The following ADNP variants were observed in gnomAD, a reference collection of about 807,000 sequenced individuals.
The protein encoded by ADNP is activity-dependent neuroprotector homeobox protein.
Under a neutral mutation model 84.9 loss-of-function variants are expected in ADNP, and 4 were observed. That is an observed-to-expected ratio of 0.05 (90% confidence interval 0.02 to 0.11). ADNP has a LOEUF of 0.11. Ranked by LOEUF, ADNP falls within the 10% of genes least tolerant of loss-of-function variation. ADNP has a pLI of 1.00. For missense variants in ADNP, 1,132 were observed against 1,326.0 expected (o/e 0.85, Z 2.27); for synonymous variants, 554 against 468.1 (o/e 1.18, Z -2.37).
At chr20:50,922,943 G>A (rs1984053768) in intron 2 of ADNP, among the ~76,000 whole-genome samples, 1 of 152,034 alleles carries the variant, frequency 6.6e-6, no homozygotes, top group South Asian at 2.1e-4. Flanking sequence ...GGGGTATAGG[G>A]CCAACACCCT....
chr20:50,906,119 G>A (rs1448380829), intron 2 of ADNP, among the ~76,000 whole-genome samples: 1 of 152,198 alleles, frequency 6.6e-6, no homozygotes, highest in East Asian at 1.9e-4. Context: ...GGCTGAGGCA[G>A]GAGAATCGCT....
At chr20:50,896,555 G>A (rs745529064) in intron 5 of ADNP, among the ~76,000 whole-genome samples, 26 of 151,746 alleles carry the variant, frequency 1.7e-4, no homozygotes, top group Non-Finnish European at 3.5e-4. Flanking sequence ...GCAAGACCCC[G>A]TCTCAAAAAA....
intron 2 of ADNP, among the ~76,000 whole-genome samples, chr20:50,914,935 T>C (rs1983393402): frequency 1.3e-5 from 2 of 152,188 alleles, no homozygotes; most frequent in Admixed American, 1.3e-4. Flanking sequence ...TTGGGGGTTG[T>C]GCTAGAAAAT....
At chr20:50,904,582 G>C (rs1174040887) in intron 3 of ADNP, 184 bp downstream of exon 3, 3 of 152,216 alleles carry the variant, frequency 2.0e-5, no homozygotes, top group African/African-American at 7.2e-5. Flanking sequence ...GATTTTCCCA[G>C]TTTTTAACAG....
chr20:50,924,662 A>G (rs1420730573), intron 2 of ADNP, among the ~76,000 whole-genome samples: 1 of 152,236 alleles, frequency 6.6e-6, no homozygotes, highest in Non-Finnish European at 1.5e-5. Context: ...CATAAAGGCC[A>G]GCAAGGGGGC....
chr20:50,921,963 A>C (rs1341119611), intron 2 of ADNP, among the ~76,000 whole-genome samples: 1 of 152,210 alleles, frequency 6.6e-6, no homozygotes, highest in African/African-American at 2.4e-5. Flanking sequence ...GGGACACAGC[A>C]TAAAGAGTGA....
In ADNP at chr20:50,931,179, G is replaced by A. The variant is rs1375759881; in HGVS notation, c.-618C>T. On this transcript the variant is annotated 5_prime_UTR_variant, in exon 1 of 6. Coordinates refer to ENST00000621696, the MANE Select transcript of ADNP (RefSeq NM_001282531.3). ...AGCGGGGACCGAGAGAGGGAGCTGT[G>A]TCTGAGAAGACGCCAAAATCCCCCT... The A allele has an allele frequency of 6.7e-6, 1 of 148,442 alleles. No homozygotes were observed. Among genetic ancestry groups the A allele is most frequent in the African/African-American group, 2.5e-5 (1 of 40,524 alleles). 9.2% of individuals were successfully genotyped at this position (148,442 alleles called of 1,614,324 possible).
chr20:50,919,701 A>G (rs1983807045), intron 2 of ADNP, among the ~76,000 whole-genome samples: 1 of 152,176 alleles, frequency 6.6e-6, no homozygotes, highest in Non-Finnish European at 1.5e-5. Context: ...TGGGGCCATT[A>G]ACTTAGGTGA....
At position 50,893,555 on chromosome 20, in the gene ADNP, G is replaced by T; in HGVS notation, c.1159C>A (p.Gln387Lys). ...SYGLGSEQRS[Q>K]APARYSLQSA... is the part of the protein sequence containing the mutation. ...TGCAGGGAGTATCTTGCTGGTGCCT[G>T]GGACCTCTGCTCTGACCCAAGCCCA... Residue 387 changes from glutamine to lysine, a missense_variant, in exon 6 of 6, where the codon CAG becomes AAG. Gln to Lys is a moderately conservative substitution (Grantham distance 53). Coordinates refer to ENST00000621696, the MANE Select transcript of ADNP (RefSeq NM_001282531.3). This position sits in a 1 kb window ranked among gnomAD's most constrained non-coding sequence, Gnocchi z 4.4. 2 of 1,613,954 alleles carry T rather than the reference G, an allele frequency of 1.2e-6. No individual in the cohort carries two copies. The highest frequency in any genetic ancestry group is 1.7e-6 in the Non-Finnish European group (2 of 1,180,012).
intron 3 of ADNP, chr20:50,904,270 C>A: frequency 2.7e-6 from 1 of 372,766 alleles, no homozygotes; most frequent in Non-Finnish European, 4.9e-6. Context: ...GGTTCATTGA[C>A]TGCAGTGCAC....
At chr20:50,899,954 G>A (rs12481198) in intron 5 of ADNP, among the ~76,000 whole-genome samples, 33,281 of 149,098 alleles carry the variant, frequency 0.22, 3,957 homozygotes, top group Non-Finnish European at 0.26. Flanking sequence ...AAGGGGACCC[G>A]GGCAGGTTGC....
At position 50,889,988 on chromosome 20, in the gene ADNP, A is replaced by G. The variant is rs919607016; in HGVS notation, c.*1417T>C. 2.5e-6 allele frequency: 1 copy of G among 397,562 alleles called. No individual in the cohort carries two copies. Among genetic ancestry groups the G allele is most frequent in the Non-Finnish European group, 4.4e-6 (1 of 225,738 alleles). The allele number at this position is 397,562 out of a possible 1,614,324, so 24.6% of individuals were successfully genotyped here. A position where few individuals can be genotyped will look rare whatever the true frequency, so the allele number is the denominator to read the frequency against. On this transcript the variant is annotated 3_prime_UTR_variant, in exon 6 of 6. Coordinates refer to ENST00000621696, the MANE Select transcript of ADNP (RefSeq NM_001282531.3). ...AGAAAAAACAAACAAAAAACCCATC[A>G]GGCTATTAAGATTCTGCTTGCAAAT...
intron 2 of ADNP, among the ~76,000 whole-genome samples, chr20:50,916,153 C>T (rs928199107): frequency 3.9e-5 from 6 of 151,946 alleles, no homozygotes; most frequent in African/African-American, 7.3e-5. Flanking sequence ...TTATGCAAGG[C>T]GAAAGATGGT....
chr20:50,927,969 C>A (rs571402033), intron 2 of ADNP, among the ~76,000 whole-genome samples: 1 of 152,302 alleles, frequency 6.6e-6, no homozygotes, highest in South Asian at 2.1e-4. Context: ...AAAAACTATA[C>A]CTGCCTACAA....
chr20:50,897,928 G>A (rs1433054886), intron 5 of ADNP, among the ~76,000 whole-genome samples: 5 of 152,204 alleles, frequency 3.3e-5, no homozygotes, highest in African/African-American at 4.8e-5. Context: ...CTCCTGCAGT[G>A]CACTGGCCAA....
chr20:50,898,728 A>T (rs1361514561), intron 5 of ADNP, among the ~76,000 whole-genome samples: 1 of 152,252 alleles, frequency 6.6e-6, no homozygotes, highest in Non-Finnish European at 1.5e-5. Flanking sequence ...AAATACCATG[A>T]GATTAAACCA....
At position 50,893,760 on chromosome 20, in the gene ADNP, T is replaced by C. The variant is rs975712635; in HGVS notation, c.954A>G (p.Gly318=). 2 of 1,614,164 alleles carry C rather than the reference T, an allele frequency of 1.2e-6. No individual in the cohort carries two copies. The highest frequency in any genetic ancestry group is 1.7e-6 in the Non-Finnish European group (2 of 1,180,028). Residue 318 remains glycine (G), a synonymous_variant, in exon 6 of 6, where the codon GGA becomes GGG. Transcript: ENST00000621696. This position sits in a 1 kb window ranked among gnomAD's most constrained non-coding sequence, Gnocchi z 4.4. The part of the protein sequence containing the change: ...SIPKPNLNST[G]VNMMSSVHLQ... Reference sequence around the variant, plus strand: ...GATGAACACTGGACATCATGTTGACTCCTGTAGAATTTAAGTTAGGCTTTG... The same window carrying C: ...GATGAACACTGGACATCATGTTGACCCCTGTAGAATTTAAGTTAGGCTTTG...
At chr20:50,909,397 A>G (rs1568731108) in intron 2 of ADNP, 2 of 148,616 alleles carry the variant, frequency 1.3e-5, no homozygotes, top group South Asian at 2.1e-4. Context: ...AAAAAAAGAA[A>G]TCAGATGAGC....
chr20:50,906,974 TTG>T lies in ADNP; in HGVS notation c.-89-2127_-89-2126del, dbSNP rs1491086116. 4.1e-5 allele frequency among the ~76,000 whole-genome samples: 4 copies of T among 96,760 alleles called. 1 individual carries two copies. The highest frequency in any genetic ancestry group is 4.2e-5 in the African/African-American group (1 of 23,860). The allele number at this position is 96,760 out of a possible 152,430, so 63.5% of individuals were successfully genotyped here. A position where few individuals can be genotyped will look rare whatever the true frequency, so the allele number is the denominator to read the frequency against. ...GAGACAGGGTTCCAGTTTTTTTTTT[TTG>T]TTTTTTTTTTTGAGACAGTCTCGCT... On this transcript the variant is annotated intron_variant, in intron 2 of 5. Transcript: ENST00000621696.
Sources: allele counts gnomAD v4.1 joint callset (sites outside exome capture counted in the v4.1 genomes callset), GRCh38; gene constraint gnomAD v4.1.1; non-coding constraint Gnocchi (gnomAD v3.1); transcripts MANE v1.5; gene names NCBI Gene and HGNC (gene_info 2026-07-23, HGNC 2026-07-21).